DNAH1: variants seen among roughly 807,000 people sequenced by gnomAD.
The protein encoded by DNAH1 is axonemal beta dynein heavy chain 1.
In DNAH1, 327 loss-of-function variants were observed where a neutral mutation model predicts 484.3. The ratio of observed to expected loss-of-function variants is 0.68; its 90% CI spans 0.62 to 0.74. DNAH1 has a LOEUF of 0.74. Among genes scored for constraint, DNAH1 ranks in the 30% least tolerant of loss-of-function variants. The pLI, the probability that DNAH1 is intolerant of heterozygous loss-of-function variation, is 0.00. For missense variants in DNAH1, 5,052 were observed against 5,546.8 expected (o/e 0.91, Z 2.83); for synonymous variants, 2,192 against 2,191.9 (o/e 1.00, Z 0.00).
chr3:52,340,408 TTTTATTTATTTATTTA>T (rs55652606), intron 8 of DNAH1, among the ~76,000 whole-genome samples: 1 of 148,158 alleles, frequency 6.7e-6, no homozygotes, highest in Non-Finnish European at 1.5e-5. Flanking sequence ...TCTGGTAGGA[TTTTATTTATTTATTTA>T]TTTATTTATT....
In DNAH1 at chr3:52,370,786, C is replaced by T. The variant is rs1318270311; in HGVS notation, c.6486C>T (p.Gly2162=). 5.0e-6 allele frequency: 8 copies of T among 1,606,584 alleles called. No homozygotes were observed. Among genetic ancestry groups the T allele is most frequent in the Non-Finnish European group, 6.8e-6 (8 of 1,177,056 alleles). ...DYRLEDAGIS[G]TNDSEDEEEE... ...GGCTGGAGGACGCGGGCATCAGTGGCACCAACGACAGTGAGGATGAAGAGG... is the reference window on the plus strand; with the variant it reads ...GGCTGGAGGACGCGGGCATCAGTGGTACCAACGACAGTGAGGATGAAGAGG... The change falls in exon 41 of 78, where the codon GGC becomes GGT. Residue 2162 remains glycine (G), a synonymous_variant. Coordinates refer to ENST00000420323, the MANE Select transcript of DNAH1 (RefSeq NM_015512.5).
Position 52,344,462 on chromosome 3 carries a change from T to A in DNAH1, c.1287-28T>A, listed in dbSNP as rs1032091786. On this transcript the variant is annotated intron_variant, in intron 8 of 77. Transcript: ENST00000420323. ...GGTTCACAGGGTGTGGAGCCCCTGATTCCCCCATCTCCCATCTCTATGGGC... is the reference window on the plus strand; with the variant it reads ...GGTTCACAGGGTGTGGAGCCCCTGAATCCCCCATCTCCCATCTCTATGGGC... The A allele has an allele frequency of 5.0e-6, 8 of 1,606,322 alleles. No homozygotes were observed. The African/African-American group carries it at 8.0e-5, about 16-fold the overall frequency.
intron 3 of DNAH1, 94 bp downstream of exon 3, chr3:52,323,974 C>A: frequency 2.1e-6 from 2 of 932,702 alleles, no homozygotes; most frequent in Non-Finnish European, 3.3e-6. Flanking sequence ...TGGCTGTGGG[C>A]CCCAGCTTCC....
intron 41 of DNAH1, among the ~76,000 whole-genome samples, chr3:52,371,674 T>C (rs1347264938): frequency 6.6e-6 from 1 of 152,226 alleles, no homozygotes; most frequent in Admixed American, 6.5e-5. Context: ...TGGCAGTCCT[T>C]AGGGAGCCCC....
At chr3:52,335,539 C>G (rs1354299552) in intron 8 of DNAH1, among the ~76,000 whole-genome samples, 1 of 151,686 alleles carries the variant, frequency 6.6e-6, no homozygotes, top group African/African-American at 2.4e-5. Context: ...GAACTCCTGA[C>G]CTCAGGTGAT....
At chr3:52,372,170 A>T in intron 42 of DNAH1, 57 bp from the exon 43 acceptor site, 7 of 1,610,622 alleles carry the variant, frequency 4.3e-6, no homozygotes, top group Middle Eastern at 1.7e-4. Context: ...ATGCAGGGGC[A>T]GCTCCTCCTG....
intron 6 of DNAH1, among the ~76,000 whole-genome samples, chr3:52,330,078 G>T (rs1044386528): frequency 1.3e-5 from 2 of 152,130 alleles, no homozygotes; most frequent in Non-Finnish European, 2.9e-5. Flanking sequence ...CCAGAGTGCT[G>T]GGATTATAGG....
At chr3:52,327,020 G>A (rs1393855602) in intron 5 of DNAH1, 129 bp downstream of exon 5, 2 of 1,283,080 alleles carry the variant, frequency 1.6e-6, no homozygotes, top group African/African-American at 1.5e-5. Flanking sequence ...AAACAGGGCA[G>A]GTCAACAATA....
chr3:52,328,707 G>A (rs1275442758), intron 6 of DNAH1, among the ~76,000 whole-genome samples: 1 of 152,266 alleles, frequency 6.6e-6, no homozygotes, highest in Non-Finnish European at 1.5e-5. Context: ...ATTTCCTGCT[G>A]TGGAAAGCAG....
intron 6 of DNAH1, among the ~76,000 whole-genome samples, chr3:52,330,076 C>G (rs1285585246): frequency 6.6e-6 from 1 of 152,122 alleles, no homozygotes; most frequent in Non-Finnish European, 1.5e-5. Context: ...TCCCAGAGTG[C>G]TGGGATTATA....
chr3:52,353,979 G>A lies in DNAH1; in HGVS notation c.3480+346G>A, dbSNP rs1479362018. 6.6e-6 allele frequency among the ~76,000 whole-genome samples: 1 copy of A among 152,054 alleles called. No homozygotes were observed. Among genetic ancestry groups the A allele is most frequent in the African/African-American group, 2.4e-5 (1 of 41,396 alleles). ...AGGATGAGGAGGAAGGATCGCTTGAGCCCAGGAGTTTGAGACCAGTCTGGG... is the reference window on the plus strand; with the variant it reads ...AGGATGAGGAGGAAGGATCGCTTGAACCCAGGAGTTTGAGACCAGTCTGGG... On this transcript the variant is annotated intron_variant, in intron 20 of 77. Coordinates refer to ENST00000420323, the MANE Select transcript of DNAH1 (RefSeq NM_015512.5). The surrounding 1 kb of genome is among the most constrained non-coding windows in gnomAD (Gnocchi z 5.0).
At chr3:52,382,026 G>C (rs981889814) in intron 49 of DNAH1, among the ~76,000 whole-genome samples, 190 bp downstream of exon 49, 3 of 152,202 alleles carry the variant, frequency 2.0e-5, no homozygotes, top group Non-Finnish European at 2.9e-5. Context: ...TGCCTGTGGT[G>C]CTGTAGGGAG....
In DNAH1 at chr3:52,353,168, T is replaced by C. The variant is rs755508561; in HGVS notation, c.3093T>C (p.Ser1031=). 1.2e-5 allele frequency: 20 copies of C among 1,613,906 alleles called. No individual in the cohort carries two copies. The highest frequency in any genetic ancestry group is 2.7e-5 in the African/African-American group (2 of 74,934). ...QPYLDLWTTA[S]DWLRWSESWM... Reference sequence around the variant, plus strand: ...ACCTGGACCTTTGGACCACAGCGTCTGACTGGCTGCGCTGGTCGGAGAGCT... The same window carrying C: ...ACCTGGACCTTTGGACCACAGCGTCCGACTGGCTGCGCTGGTCGGAGAGCT... Residue 1031 remains serine, a synonymous_variant, in exon 19 of 78, where the codon TCT becomes TCC. Coordinates refer to ENST00000420323, the MANE Select transcript of DNAH1 (RefSeq NM_015512.5). The surrounding 1 kb of genome is among the most constrained non-coding windows in gnomAD (Gnocchi z 5.0).
chr3:52,381,767 T>C lies in DNAH1; in HGVS notation c.7736T>C (p.Leu2579Pro). The change falls in exon 49 of 78, where the codon CTG becomes CCG. Residue 2579 changes from leucine to proline, a missense_variant. Leu to Pro is a moderately conservative substitution (Grantham distance 98). This residue lies in a region of DNAH1 where 2,929 missense variants were observed against 3,409.4 expected (regional missense o/e 0.86). Transcript: ENST00000420323. This position sits in a 1 kb window ranked among gnomAD's most constrained non-coding sequence, Gnocchi z 4.1. ...ATCAGCCGCACCCTACGCCAGGCGCTGGGCAATGCACTCCTGCTGGGCGTG... is the reference window on the plus strand; with the variant it reads ...ATCAGCCGCACCCTACGCCAGGCGCCGGGCAATGCACTCCTGCTGGGCGTG... ...CRISRTLRQA[L>P]GNALLLGVGG... The C allele has an allele frequency of 1.2e-6, 2 of 1,606,138 alleles. No individual in the cohort carries two copies. Among genetic ancestry groups the C allele is most frequent in the Non-Finnish European group, 1.7e-6 (2 of 1,177,126 alleles).
At chr3:52,394,710 G>A in intron 67 of DNAH1, 49 bp downstream of exon 67, 2 of 1,532,708 alleles carry the variant, frequency 1.3e-6, no homozygotes, top group South Asian at 1.3e-5. Context: ...GAGGGGATGA[G>A]TCCCTAGGAA....
Position 52,348,970 on chromosome 3 carries a change from G to T in DNAH1, c.2189G>T (p.Arg730Leu). ...CATGAGCCACTGGTGGAAGAGCTAC[G>T]GGCCACCATTGCCAGTGCCGTGTCC... The part of the protein sequence containing the change: ...GLHEPLVEEL[R>L]ATIASAVSKA... The change falls in exon 13 of 78, where the codon CGG becomes CTG. Residue 730 changes from arginine (R) to leucine (L), a missense_variant. Arg to Leu is a moderately radical substitution (Grantham distance 102). Coordinates refer to ENST00000420323, the MANE Select transcript of DNAH1 (RefSeq NM_015512.5). 1 of 1,613,430 alleles carries T rather than the reference G, an allele frequency of 6.2e-7. No individual in the cohort carries two copies. The highest frequency in any genetic ancestry group is 8.5e-7 in the Non-Finnish European group (1 of 1,179,900).
intron 41 of DNAH1, 54 bp downstream of exon 41, chr3:52,370,879 C>G: frequency 6.6e-7 from 1 of 1,521,420 alleles, no homozygotes; most frequent in Non-Finnish European, 8.9e-7. Context: ...TGGGTGGCTG[C>G]TGTTCCCGCA....
chr3:52,354,627 C>T, intron 20 of DNAH1, among the ~76,000 whole-genome samples: 1 of 146,722 alleles, frequency 6.8e-6, no homozygotes, highest in East Asian at 1.9e-4. Flanking sequence ...AGCGAGACTC[C>T]ACCTCAGAAA....
In DNAH1 at chr3:52,389,602, G is replaced by A. The variant is rs1578195809; in HGVS notation, c.9621+16G>A. On this transcript the variant is annotated intron_variant, in intron 60 of 77. Coordinates refer to ENST00000420323, the MANE Select transcript of DNAH1 (RefSeq NM_015512.5). ...ATCGTGGCAGGTGCCCACCCCAGGG[G>A]CAGGAGTGCCCAGGCAGGGCCTGTG... 2 of 1,439,910 alleles carry A rather than the reference G, an allele frequency of 1.4e-6. No individual in the cohort carries two copies. The highest frequency in any genetic ancestry group is 2.9e-5 in the Admixed American group (1 of 34,140). The allele number at this position is 1,439,910 out of a possible 1,614,324, so 89.2% of individuals were successfully genotyped here.
Sources: gnomAD v4.1 joint callset for allele counts (sites outside exome capture counted in the v4.1 genomes callset) on GRCh38, gnomAD v4.1.1 for gene constraint, gnomAD v4.1.1 regional missense constraint, Gnocchi (gnomAD v3.1) non-coding constraint, MANE v1.5 for transcripts, NCBI Gene and HGNC (gene_info 2026-07-23, HGNC 2026-07-21) for gene names.